Variants in TSC2 observed in about 807,000 individuals in gnomAD.
TSC2 encodes TSC complex subunit 2.
TSC2 carries 29 observed loss-of-function variants against 202.2 expected under a neutral mutation model. The observed-to-expected ratio is 0.14, with a 90% CI of 0.11 to 0.20. The LOEUF is 0.20. Among genes scored for constraint, TSC2 ranks in the 10% least tolerant of loss-of-function variants. The pLI is 1.00. For synonymous variants in TSC2, 1,349 were observed against 1,044.0 expected (o/e 1.29, Z -5.63); for missense variants, 2,429 against 2,420.0 (o/e 1.00, Z -0.08).
rs45506600 is a variant in TSC2, at chr16:2,088,146, G to A, written c.5160+7G>A. 6.2e-7 allele frequency: 1 copy of A among 1,612,994 alleles called. No individual in the cohort carries two copies. Among genetic ancestry groups the A allele is most frequent in the Non-Finnish European group, 8.5e-7 (1 of 1,180,016 alleles). On this transcript the variant is annotated splice_region_variant and intron_variant, in intron 40 of 41. Coordinates refer to ENST00000219476, the MANE Select transcript of TSC2 (RefSeq NM_000548.5). ...GATGGCCCTGCACGCAAATGTGAGT[G>A]GGGGTGGGTCCAGGCGTGAGCTGGT...
chr16:2,064,437 G>A lies in TSC2; in HGVS notation c.1599+10G>A, dbSNP rs376692777. ...GGACATCATCGAGAAGGTGAGAGCCGTTGTACCCGGGGCCGGGTGCTAGCG... is the reference window on the plus strand; with the variant it reads ...GGACATCATCGAGAAGGTGAGAGCCATTGTACCCGGGGCCGGGTGCTAGCG... On this transcript the variant is annotated intron_variant, in intron 15 of 41. Transcript: ENST00000219476. 269 of 1,612,882 alleles carry A rather than the reference G, an allele frequency of 1.7e-4. No homozygotes were observed. Among genetic ancestry groups the A allele is most frequent in the Non-Finnish European group, 2.2e-4 (260 of 1,180,012 alleles).
intron 11 of TSC2, 118 bp downstream of exon 11, chr16:2,060,931 C>T (rs1042094294): frequency 8.1e-5 from 106 of 1,313,752 alleles, no homozygotes; most frequent in African/African-American, 5.1e-4. Flanking sequence ...CTGCCAGAAC[C>T]GTGTTCTCTG....
At chr16:2,084,921 C>T (rs373136304) in intron 34 of TSC2, 30 bp from the exon 35 acceptor site, 1 of 1,612,818 alleles carries the variant, frequency 6.2e-7, no homozygotes, top group South Asian at 1.1e-5. Context: ...AGGCCCTCAC[C>T]TGGGTGCCCA....
At chr16:2,050,950 C>G (rs1226012722) in intron 3 of TSC2, among the ~76,000 whole-genome samples, 4 of 152,056 alleles carry the variant, frequency 2.6e-5, no homozygotes, top group African/African-American at 9.7e-5. Flanking sequence ...CTGGAAATGC[C>G]CCGAATACAA....
At chr16:2,057,297 T>TC (rs1458528700) in intron 9 of TSC2, 119 bp downstream of exon 9, 3 of 1,227,086 alleles carry the variant, frequency 2.4e-6, no homozygotes, top group Non-Finnish European at 3.5e-6. Flanking sequence ...GGGCAGCTGT[T>TC]CCAGAGGCTG....
chr16:2,069,928 A>G (rs1567455007), intron 16 of TSC2, among the ~76,000 whole-genome samples: 1 of 152,120 alleles, frequency 6.6e-6, no homozygotes, highest in African/African-American at 2.4e-5. Flanking sequence ...CATTTCTTTC[A>G]ATGATTTTTT....
In TSC2 at chr16:2,055,161, GCA is replaced by G. The variant is rs1567402234; in HGVS notation, c.482-238_482-237del. ...CATACACACTTCTGCTGCCGCCTCGGCACAGACCCTCTGTGCAGCCCCAGGGG... is the reference window on the plus strand; with the variant it reads ...CATACACACTTCTGCTGCCGCCTCGGCAGACCCTCTGTGCAGCCCCAGGGG... On this transcript the variant is annotated intron_variant, in intron 5 of 41. Coordinates refer to ENST00000219476, the MANE Select transcript of TSC2 (RefSeq NM_000548.5). 4 of 597,932 alleles carry G rather than the reference GCA, an allele frequency of 6.7e-6. No homozygotes were observed. In the Admixed American group the frequency reaches 1.0e-4, roughly 15 times the overall value. The allele number at this position is 597,932 out of a possible 1,614,324, so 37.0% of individuals were successfully genotyped here. A position where few individuals can be genotyped will look rare whatever the true frequency, so the allele number is the denominator to read the frequency against.
chr16:2,057,359 C>T (rs767560083), intron 9 of TSC2, among the ~76,000 whole-genome samples, 181 bp downstream of exon 9: 5 of 152,170 alleles, frequency 3.3e-5, no homozygotes, highest in Admixed American at 6.5e-5. Flanking sequence ...TCCTCTCCTT[C>T]CTCTGTCAGT....
chr16:2,062,613 C>T lies in TSC2; in HGVS notation c.1361+13C>T, dbSNP rs900870796. The T allele has an allele frequency of 1.1e-5, 17 of 1,596,066 alleles. No homozygotes were observed. Among genetic ancestry groups the T allele is most frequent in the Admixed American group, 6.9e-5 (4 of 58,022 alleles). ...AGAGATTCTTCAGGTAGGGGGTCCT[C>T]TGTAGCCTTGCCTGGCACCTGGAGC... is the stretch of plus-strand genomic sequence containing the variant. On this transcript the variant is annotated intron_variant, in intron 13 of 41. Transcript: ENST00000219476.
intron 5 of TSC2, chr16:2,054,821 A>G: frequency 1.1e-5 from 4 of 366,092 alleles, no homozygotes; most frequent in South Asian, 9.5e-5. Context: ...TCCTCCTGCC[A>G]TCCTGTGGTG....
rs1390963342 is a variant in TSC2, at chr16:2,075,549, AAG to A, written c.2546-247_2546-246del. On this transcript the variant is annotated intron_variant, in intron 22 of 41. Coordinates refer to ENST00000219476, the MANE Select transcript of TSC2 (RefSeq NM_000548.5). ...TCAAAAAAAAAAAAAAAAAAAAAAA[AAG>A]AGGTGCGGAAGCCTTTCCTCACGGA... Among the ~76,000 whole-genome samples, 125 of 149,436 alleles carry A rather than the reference AAG, an allele frequency of 8.4e-4. 1 individual carries two copies. Among genetic ancestry groups the A allele is most frequent in the African/African-American group, 2.7e-3 (107 of 39,508 alleles).
intron 19 of TSC2, 68 bp downstream of exon 19, chr16:2,072,002 C>A (rs1280626559): frequency 6.6e-7 from 1 of 1,507,676 alleles, no homozygotes; most frequent in Non-Finnish European, 8.9e-7. Context: ...TGCCACCTGC[C>A]TGCTGGGCCT....
Position 2,077,639 on chromosome 16 carries a change from C to G in TSC2, c.2879C>G (p.Ser960Cys), listed in dbSNP as rs397514898. 2 of 1,613,156 alleles carry G rather than the reference C, an allele frequency of 1.2e-6. No homozygotes were observed. The highest frequency in any genetic ancestry group is 8.5e-7 in the Non-Finnish European group (1 of 1,180,022). Reference sequence around the variant, plus strand: ...CCCCCCAAACAAGGCTTGAATAACTCTCCACCCGTGAAAGAATTCAAGGAG... The same window carrying G: ...CCCCCCAAACAAGGCTTGAATAACTGTCCACCCGTGAAAGAATTCAAGGAG... ...ARPPKQGLNN[S>C]PPVKEFKESS... Residue 960 changes from serine to cysteine, a missense_variant, in exon 26 of 42, where the codon TCT (serine) becomes TGT (cysteine). By Grantham distance (112) the Ser-to-Cys change is moderately radical. Transcript: ENST00000219476.
At chr16:2,078,733 G>C in intron 26 of TSC2, 1 of 470,954 alleles carries the variant, frequency 2.1e-6, no homozygotes, top group East Asian at 4.1e-5. Flanking sequence ...ACACCGTTTC[G>C]CCAGGAGGCC....
chr16:2,072,566 C>A, intron 20 of TSC2: 1 of 851,806 alleles, frequency 1.2e-6, no homozygotes, highest in Non-Finnish European at 1.8e-6. Flanking sequence ...GGACTGACGT[C>A]AGAGGTCCCC....
At position 2,086,369 on chromosome 16, in the gene TSC2, C is replaced by T. The variant is rs876660657; in HGVS notation, c.4839C>T (p.Asp1613=). The change falls in exon 37 of 42, where the codon GAC becomes GAT. Residue 1613 remains aspartate, a synonymous_variant. Coordinates refer to ENST00000219476, the MANE Select transcript of TSC2 (RefSeq NM_000548.5). ...AGTTCACCTACTGCTGGCACGATGA[C>T]ATCATGCAAGGTACGGCCTGGCGCC... ...DGQFTYCWHD[D]IMQAVFHIAT... is the part of the protein sequence containing the mutation. The T allele has an allele frequency of 3.7e-6, 6 of 1,612,598 alleles. No homozygotes were observed. The highest frequency in any genetic ancestry group is 1.7e-5 in the Admixed American group (1 of 59,966).
chr16:2,066,607 C>A (rs1000189044), intron 16 of TSC2, among the ~76,000 whole-genome samples: 1 of 151,186 alleles, frequency 6.6e-6, no homozygotes, highest in Non-Finnish European at 1.5e-5. Context: ...TGGTGCTGTG[C>A]CATTTTCCAT....
chr16:2,068,095 A>G (rs1454388472), intron 16 of TSC2, among the ~76,000 whole-genome samples: 1 of 152,148 alleles, frequency 6.6e-6, no homozygotes, highest in African/African-American at 2.4e-5. Context: ...GCTGGAGTGC[A>G]GCGGCACGAT....
At chr16:2,052,919 G>C (rs2085309002) in intron 3 of TSC2, among the ~76,000 whole-genome samples, 1 of 152,164 alleles carries the variant, frequency 6.6e-6, no homozygotes, top group Admixed American at 6.5e-5. Context: ...CACTAGAGGA[G>C]AGCCACAAGC....
Sources: gnomAD v4.1 joint callset for allele counts (sites outside exome capture counted in the v4.1 genomes callset) on GRCh38, gnomAD v4.1.1 for gene constraint, MANE v1.5 for transcripts, NCBI Gene and HGNC (gene_info 2026-07-23, HGNC 2026-07-21) for gene names.